Variants in RBM24 observed in about 807,000 individuals in gnomAD.
The protein encoded by RBM24 is RNA-binding protein 24.
A neutral mutation model predicts 23.6 loss-of-function variants in RBM24; 5 were observed. The observed-to-expected ratio is 0.21, with a 90% CI of 0.11 to 0.45. The LOEUF (loss-of-function observed/expected upper bound fraction) is 0.45. Ranked by LOEUF, RBM24 falls within the 20% of genes least tolerant of loss-of-function variation. RBM24 has a pLI of 0.99. For missense variants in RBM24, 252 were observed against 314.6 expected (o/e 0.80, Z 1.51); for synonymous variants, 151 against 129.5 (o/e 1.17, Z -1.13).
intron 3 of RBM24, chr6:17,288,360 A>G: frequency 2.0e-6 from 2 of 985,420 alleles, no homozygotes; most frequent in Non-Finnish European, 2.4e-6. Context: ...TTCGTGAAGG[A>G]AGTAGAAGTT....
intron 2 of RBM24, among the ~76,000 whole-genome samples, chr6:17,284,376 T>A (rs1760129890): frequency 6.6e-6 from 1 of 152,214 alleles, no homozygotes; most frequent in Non-Finnish European, 1.5e-5. Context: ...TGTACTTAAT[T>A]TTATTTCATG....
At position 17,281,713 on chromosome 6, in the gene RBM24, C is replaced by T. The variant is rs1182765686; in HGVS notation, c.132C>T (p.Thr44=). The part of the protein sequence containing the change: ...FGEIEEAVVI[T]DRQTGKSRGY... ...AGATCGAGGAGGCGGTGGTCATCACCGACCGGCAGACGGGCAAGTCCCGGG... is the reference window on the plus strand; with the variant it reads ...AGATCGAGGAGGCGGTGGTCATCACTGACCGGCAGACGGGCAAGTCCCGGG... Residue 44 remains threonine (T), a synonymous_variant, in exon 1 of 4, where the codon ACC becomes ACT. Coordinates refer to ENST00000379052, the MANE Select transcript of RBM24 (RefSeq NM_001143942.2). The surrounding 1 kb of genome is among the most constrained non-coding windows in gnomAD (Gnocchi z 7.1). 2.6e-6 allele frequency: 4 copies of T among 1,551,832 alleles called. No homozygotes were observed. Among genetic ancestry groups the T allele is most frequent in the Non-Finnish European group, 2.6e-6 (3 of 1,147,316 alleles).
intron 3 of RBM24, among the ~76,000 whole-genome samples, chr6:17,285,873 C>G (rs1003934788): frequency 1.3e-5 from 2 of 152,166 alleles, no homozygotes; most frequent in African/African-American, 4.8e-5. Flanking sequence ...TGGCTCTGTT[C>G]TACCTGATCA....
At chr6:17,287,610 A>C (rs189534604) in intron 3 of RBM24, among the ~76,000 whole-genome samples, 9 of 152,090 alleles carry the variant, frequency 5.9e-5, no homozygotes, top group African/African-American at 2.2e-4. Flanking sequence ...AGAGGGCGAG[A>C]CCATCCTGGC....
rs6909768 is a variant in RBM24, at chr6:17,282,019, G to T, written c.168+270G>T. The T allele has an allele frequency of 8.9e-4, 1,173 of 1,322,998 alleles. 8 individuals are homozygous for T. In the African/African-American group the frequency reaches 0.015, roughly 16 times the overall value. The allele number at this position is 1,322,998 out of a possible 1,614,324, so 82.0% of individuals were successfully genotyped here. ...AAAGGAGAGACCTGTAATGACGGCG[G>T]GATTTGGGGTGCGGAGGGTTGCGAG... is the stretch of plus-strand genomic sequence containing the variant. On this transcript the variant is annotated intron_variant, in intron 1 of 3. Transcript: ENST00000379052.
intron 3 of RBM24, chr6:17,288,124 T>C (rs1251405463): frequency 2.5e-6 from 1 of 401,950 alleles, no homozygotes; most frequent in African/African-American, 2.2e-5. Flanking sequence ...AACTTCCCCC[T>C]GATCACAGGA....
chr6:17,290,410 A>G (rs1252005569), intron 3 of RBM24, among the ~76,000 whole-genome samples: 3 of 152,260 alleles, frequency 2.0e-5, no homozygotes, highest in Non-Finnish European at 4.4e-5. Context: ...TCAGATGGGC[A>G]GTAATAAATT....
chr6:17,282,321 A>AGC (rs1760048744), intron 1 of RBM24: 2 of 1,127,932 alleles, frequency 1.8e-6, no homozygotes, highest in Admixed American at 4.6e-5. Flanking sequence ...TCAGCTGCCG[A>AGC]AGAGCAGGGA....
In RBM24 at chr6:17,288,277, A is replaced by G. The variant is rs1282304831; in HGVS notation, c.348-3479A>G. 16 of 985,338 alleles carry G rather than the reference A, an allele frequency of 1.6e-5. No individual in the cohort carries two copies. In the African/African-American group the frequency reaches 2.4e-4, roughly 15 times the overall value. The allele number at this position is 985,338 out of a possible 1,614,324, so 61.0% of individuals were successfully genotyped here. A position where few individuals can be genotyped will look rare whatever the true frequency, so the allele number is the denominator to read the frequency against. ...TAATCCAGTAAGAAAGCCGATAAGC[A>G]CCAAGAAGGGCTGTCCATGTGGCTT... is the stretch of plus-strand genomic sequence containing the variant. On this transcript the variant is annotated intron_variant, in intron 3 of 3. Coordinates refer to ENST00000379052, the MANE Select transcript of RBM24 (RefSeq NM_001143942.2).
At position 17,292,195 on chromosome 6, in the gene RBM24, GTTAACATTGAC is replaced by G; in HGVS notation, c.*83_*93del. 1.5e-6 allele frequency: 2 copies of G among 1,328,010 alleles called. No homozygotes were observed. Among genetic ancestry groups the G allele is most frequent in the Non-Finnish European group, 2.0e-6 (2 of 998,856 alleles). The allele number at this position is 1,328,010 out of a possible 1,614,324, so 82.3% of individuals were successfully genotyped here. A position where few individuals can be genotyped will look rare whatever the true frequency, so the allele number is the denominator to read the frequency against. On this transcript the variant is annotated 3_prime_UTR_variant, in exon 4 of 4. Coordinates refer to ENST00000379052, the MANE Select transcript of RBM24 (RefSeq NM_001143942.2). ...CCAATTTTTAGTAGCTAATAAGAGAGTTAACATTGACTTAACAGCTTTAAAAAAAAAAACAG... is the reference window on the plus strand; with the variant it reads ...CCAATTTTTAGTAGCTAATAAGAGAGTTAACAGCTTTAAAAAAAAAAACAG...
intron 1 of RBM24, chr6:17,282,031 CG>C: frequency 1.5e-6 from 2 of 1,298,392 alleles, no homozygotes; most frequent in Non-Finnish European, 2.0e-6. Context: ...ATTTGGGGTG[CG>C]GAGGGTTGCG....
chr6:17,292,249 A>G lies in RBM24; in HGVS notation c.*130A>G. The G allele has an allele frequency of 1.1e-6, 1 of 912,368 alleles. No individual in the cohort carries two copies. Among genetic ancestry groups the G allele is most frequent in the South Asian group, 2.8e-5 (1 of 36,198 alleles). 56.5% of individuals were successfully genotyped at this position (912,368 alleles called of 1,614,324 possible). A position where few individuals can be genotyped will look rare whatever the true frequency, so the allele number is the denominator to read the frequency against. The stretch of plus-strand genomic sequence containing the variant: ...AAAAACAGCCATGCTATTGTGAAGC[A>G]GAGTTATTATTTTTTTTATACTCCA... On this transcript the variant is annotated 3_prime_UTR_variant, in exon 4 of 4. Coordinates refer to ENST00000379052, the MANE Select transcript of RBM24 (RefSeq NM_001143942.2).
chr6:17,289,107 T>C, intron 3 of RBM24: 2 of 985,464 alleles, frequency 2.0e-6, no homozygotes, highest in Non-Finnish European at 1.2e-6. Flanking sequence ...TTTGCACTTG[T>C]GCTTTTTGTA....
intron 2 of RBM24, 172 bp downstream of exon 2, chr6:17,283,100 C>A: frequency 1.8e-6 from 1 of 562,622 alleles, no homozygotes; most frequent in Admixed American, 3.0e-5. Context: ...TGTAAATACT[C>A]CTCTCAAGGC....
At chr6:17,290,674 T>C (rs1030081616) in intron 3 of RBM24, among the ~76,000 whole-genome samples, 2 of 152,238 alleles carry the variant, frequency 1.3e-5, no homozygotes, top group African/African-American at 2.4e-5. Flanking sequence ...ACTAACGTAT[T>C]TCTGCTAATT....
chr6:17,289,664 G>A lies in RBM24; in HGVS notation c.348-2092G>A, dbSNP rs1760295666. ...AACTTTGAGAGTACAAGGGGTTAAGGTTTCGGTGTCAGTGAGATCCGCACT... is the reference window on the plus strand; with the variant it reads ...AACTTTGAGAGTACAAGGGGTTAAGATTTCGGTGTCAGTGAGATCCGCACT... On this transcript the variant is annotated intron_variant, in intron 3 of 3. Transcript: ENST00000379052. 5.1e-6 allele frequency: 5 copies of A among 985,368 alleles called. No homozygotes were observed. The South Asian group carries it at 2.3e-4, about 46-fold the overall frequency. The allele number at this position is 985,368 out of a possible 1,614,324, so 61.0% of individuals were successfully genotyped here. A position where few individuals can be genotyped will look rare whatever the true frequency, so the allele number is the denominator to read the frequency against.
chr6:17,285,870 G>C (rs1288846530), intron 3 of RBM24, among the ~76,000 whole-genome samples: 1 of 152,074 alleles, frequency 6.6e-6, no homozygotes, highest in Non-Finnish European at 1.5e-5. Flanking sequence ...TTTTGGCTCT[G>C]TTCTACCTGA....
chr6:17,286,003 CTG>C (rs1760183598), intron 3 of RBM24, among the ~76,000 whole-genome samples: 4 of 152,248 alleles, frequency 2.6e-5, no homozygotes, highest in African/African-American at 9.6e-5. Flanking sequence ...AAACATCTAC[CTG>C]TGTAACCTGG....
At chr6:17,282,970 C>T (rs1261686252) in intron 2 of RBM24, 42 bp downstream of exon 2, 2 of 1,406,302 alleles carry the variant, frequency 1.4e-6, no homozygotes, top group Non-Finnish European at 1.0e-6. Context: ...TCCAAGAACC[C>T]CCCATTTATG....
Sources: allele counts gnomAD v4.1 joint callset (sites outside exome capture counted in the v4.1 genomes callset), GRCh38; gene constraint gnomAD v4.1.1; non-coding constraint Gnocchi (gnomAD v3.1); transcripts MANE v1.5; gene names NCBI Gene and HGNC (gene_info 2026-07-23, HGNC 2026-07-21).